The following CPAP variants were observed in gnomAD, a reference collection of about 807,000 sequenced individuals.
CPAP encodes the protein centrosomal P4.1-associated protein.
At chr13:24,888,210 A>C in the CPAP span, among the ~76,000 whole-genome samples, 1 of 152,170 alleles carries the variant, frequency 6.6e-6, no homozygotes, top group Non-Finnish European at 1.5e-5. Context: ...AAAACCAAAA[A>C]CTATTTTAAA....
chr13:24,904,790 A>G, the CPAP span, among the ~76,000 whole-genome samples: 4 of 152,232 alleles, frequency 2.6e-5, no homozygotes, highest in Non-Finnish European at 1.5e-5. Context: ...TTTCTATTTT[A>G]AAGCACCTAT....
the CPAP span, chr13:24,907,955 C>T: frequency 2.5e-6 from 3 of 1,176,620 alleles, no homozygotes; most frequent in African/African-American, 1.5e-5. Context: ...AGAAAGTGTT[C>T]AATAATAAAG....
At chr13:24,910,451 C>T in the CPAP span, among the ~76,000 whole-genome samples, 4 of 152,188 alleles carry the variant, frequency 2.6e-5, no homozygotes, top group African/African-American at 7.2e-5. Flanking sequence ...TCTTGAACTC[C>T]GGACCTCAGG....
the CPAP span, chr13:24,912,496 A>G: frequency 8.4e-7 from 1 of 1,191,252 alleles, no homozygotes; most frequent in Non-Finnish European, 1.2e-6. Context: ...AGGGGAAAAA[A>G]CAAGAAGACC....
chr13:24,885,689 CA>C, the CPAP span: 1 of 1,588,086 alleles, frequency 6.3e-7, no homozygotes, highest in Non-Finnish European at 8.6e-7. Flanking sequence ...ATAAAATTGT[CA>C]AGAGTTAGAT....
At chr13:24,903,950 C>T in the CPAP span, 15 of 1,614,014 alleles carry the variant, frequency 9.3e-6, no homozygotes, top group East Asian at 2.2e-5. Flanking sequence ...GGCACTTTCT[C>T]GTTCAATGCG....
At chr13:24,905,729 A>AG in the CPAP span, 2 of 1,614,198 alleles carry the variant, frequency 1.2e-6, no homozygotes, top group African/African-American at 2.7e-5. Context: ...TATGCTTTCC[A>AG]TGATAGACTC....
the CPAP span, chr13:24,933,159 C>T: frequency 1.0e-5 from 15 of 1,505,150 alleles, no homozygotes; most frequent in Middle Eastern, 2.3e-4. Flanking sequence ...TCATAAACTA[C>T]AGTGTGATAA....
the CPAP span, among the ~76,000 whole-genome samples, chr13:24,884,983 C>G: frequency 6.6e-6 from 1 of 152,164 alleles, no homozygotes; most frequent in Non-Finnish European, 1.5e-5. Flanking sequence ...ACTGTGCTAG[C>G]TGGAGATGAG....
At chr13:24,912,756 T>G in the CPAP span, 1 of 1,614,242 alleles carries the variant, frequency 6.2e-7, no homozygotes, top group Non-Finnish European at 8.5e-7. Context: ...CAGATTTATC[T>G]GACTGTGGTT....
chr13:24,884,198 C>T, the CPAP span: 2 of 1,614,152 alleles, frequency 1.2e-6, no homozygotes, highest in Non-Finnish European at 1.7e-6. Flanking sequence ...CTTCCAGTCC[C>T]TCCGGGTATG....
At chr13:24,886,801 A>G in the CPAP span, among the ~76,000 whole-genome samples, 1 of 152,232 alleles carries the variant, frequency 6.6e-6, no homozygotes, top group Non-Finnish European at 1.5e-5. Flanking sequence ...CTAAGTGGTT[A>G]AATAACCTAC....
the CPAP span, among the ~76,000 whole-genome samples, chr13:24,908,985 T>C: frequency 6.6e-6 from 1 of 151,804 alleles, no homozygotes; most frequent in Non-Finnish European, 1.5e-5. Context: ...TATACACATA[T>C]AGAAGTAAAG....
the CPAP span, among the ~76,000 whole-genome samples, chr13:24,917,838 T>C: frequency 6.6e-6 from 1 of 151,826 alleles, no homozygotes; most frequent in East Asian, 1.9e-4. Flanking sequence ...GGGGGAAGAG[T>C]AGAAAGGCAA....
the CPAP span, chr13:24,905,578 C>T: frequency 7.4e-6 from 12 of 1,614,198 alleles, no homozygotes; most frequent in Non-Finnish European, 1.0e-5. Context: ...TCTGCGGCGT[C>T]CCATAAGTGG....
the CPAP span, chr13:24,907,083 T>C: frequency 1.6e-5 from 26 of 1,611,604 alleles, no homozygotes; most frequent in African/African-American, 5.3e-5. Flanking sequence ...AAGAGCACAA[T>C]TGCTGACCTT....
At chr13:24,903,956 A>G in the CPAP span, 2 of 1,614,160 alleles carry the variant, frequency 1.2e-6, no homozygotes, top group South Asian at 1.1e-5. Flanking sequence ...TTCTCGTTCA[A>G]TGCGAAGTTT....
At chr13:24,930,300 T>A in the CPAP span, among the ~76,000 whole-genome samples, 1 of 152,266 alleles carries the variant, frequency 6.6e-6, no homozygotes, top group African/African-American at 2.4e-5. Context: ...TAATAATCTT[T>A]ATTTTTTTAA....
At chr13:24,897,196 T>C in the CPAP span, among the ~76,000 whole-genome samples, 1 of 152,108 alleles carries the variant, frequency 6.6e-6, no homozygotes, top group African/African-American at 2.4e-5. Flanking sequence ...GAGCTGAAAT[T>C]GAGCCCCTGC....
Sources: gnomAD v4.1 joint callset for allele counts (sites outside exome capture counted in the v4.1 genomes callset) on GRCh38, gnomAD v4.1.1 for gene constraint, MANE v1.5 for transcripts, NCBI Gene and HGNC (gene_info 2026-07-23, HGNC 2026-07-21) for gene names.